Variants in KIF2C observed in about 807,000 individuals in gnomAD.
KIF2C encodes kinesin-like protein KIF2C.
A neutral mutation model predicts 97.4 loss-of-function variants in KIF2C; 34 were observed. The ratio of observed to expected loss-of-function variants is 0.35; its 90% CI spans 0.27 to 0.46. The LOEUF (loss-of-function observed/expected upper bound fraction) is 0.46, where lower values mean the gene tolerates loss of function less well. Among genes scored for constraint, KIF2C ranks in the 20% least tolerant of loss-of-function variants. KIF2C has a pLI of 1.00. For synonymous variants in KIF2C, 313 were observed against 318.2 expected, an observed-to-expected ratio of 0.98 and a Z score of 0.17; for missense variants, 750 against 907.6, an observed-to-expected ratio of 0.83 and a Z score of 2.23.
At position 44,762,430 on chromosome 1, in the gene KIF2C, C is replaced by G; in HGVS notation, c.1836C>G (p.Asn612Lys). ...CAGAAGAGATGGAAGCCTGCTCTAACGGGGCGCTGATTCCAGGCAATGTAA... is the reference window on the plus strand; with the variant it reads ...CAGAAGAGATGGAAGCCTGCTCTAAGGGGGCGCTGATTCCAGGCAATGTAA... ...METEEMEACS[N>K]GALIPGNLSK... The change falls in exon 18 of 21, where the codon AAC (asparagine) becomes AAG (lysine). Residue 612 changes from asparagine (N) to lysine (K), a missense_variant. Physicochemically the swap from Asn to Lys is moderately conservative, Grantham distance 94 (BLOSUM62 0). Coordinates refer to ENST00000372224, the MANE Select transcript of KIF2C (RefSeq NM_006845.4). The G allele has an allele frequency of 6.2e-7, 1 of 1,614,142 alleles. No homozygotes were observed.
At position 44,753,818 on chromosome 1, in the gene KIF2C, A is replaced by T; in HGVS notation, c.648A>T (p.Arg216Ser). Residue 216 changes from arginine (R) to serine (S), a missense_variant, in exon 7 of 21, where the codon AGA (arginine) becomes AGT (serine). By Grantham distance (110) the Arg-to-Ser change is moderately radical (BLOSUM62 -1). Transcript: ENST00000372224. ...EEKKAQNSEM[R>S]MKRAQEYDSS... ...AGAAGGCCCAGAACTCTGAAATGAGAATGAAGAGAGCTCAGGTACCTTTCT... is the reference window on the plus strand; with the variant it reads ...AGAAGGCCCAGAACTCTGAAATGAGTATGAAGAGAGCTCAGGTACCTTTCT... 6.2e-7 allele frequency: 1 copy of T among 1,608,116 alleles called. No homozygotes were observed. Among genetic ancestry groups the T allele is most frequent in the Non-Finnish European group, 8.5e-7 (1 of 1,177,086 alleles).
Position 44,762,603 on chromosome 1 carries a change from C to G in KIF2C, c.1916C>G (p.Thr639Ser). 1 of 1,614,130 alleles carries G rather than the reference C, an allele frequency of 6.2e-7. No homozygotes were observed. The highest frequency in any genetic ancestry group is 8.5e-7 in the Non-Finnish European group (1 of 1,180,022). ...ATGTCCAGCTTTAACGAAGCCATGA[C>G]TCAGATCAGGGAGCTGGAGGAGAAG... ...SQMSSFNEAM[T>S]QIRELEEKAM... Residue 639 changes from threonine (T) to serine (S), a missense_variant, in exon 19 of 21, where the codon ACT (threonine) becomes AGT (serine). By Grantham distance (58) the Thr-to-Ser change is moderately conservative (BLOSUM62 1). Coordinates refer to ENST00000372224, the MANE Select transcript of KIF2C (RefSeq NM_006845.4).
chr1:44,749,297 G>T (rs1284446560), intron 4 of KIF2C, among the ~76,000 whole-genome samples: 1 of 152,132 alleles, frequency 6.6e-6, no homozygotes, highest in Non-Finnish European at 1.5e-5. Context: ...AGCCAGGCGT[G>T]GTGGTGGGTG....
At chr1:44,758,005 C>T in intron 12 of KIF2C, 34 bp downstream of exon 12, 2 of 1,613,910 alleles carry the variant, frequency 1.2e-6, no homozygotes, top group South Asian at 2.2e-5. Flanking sequence ...CAGGGTTGGG[C>T]ACAGAAAGGC....
intron 1 of KIF2C, 46 bp from the exon 2 acceptor site, chr1:44,740,867 C>T (rs757033705): frequency 7.6e-7 from 1 of 1,307,946 alleles, no homozygotes; most frequent in Non-Finnish European, 1.1e-6. Flanking sequence ...AAAAGTGAAG[C>T]TCTCAGGAAA....
At position 44,756,144 on chromosome 1, in the gene KIF2C, A is replaced by G. The variant is rs1649816431; in HGVS notation, c.884A>G (p.Lys295Arg). 6.2e-7 allele frequency: 1 copy of G among 1,614,210 alleles called. No individual in the cohort carries two copies. The highest frequency in any genetic ancestry group is 8.5e-7 in the Non-Finnish European group (1 of 1,180,024). The change falls in exon 10 of 21, where the codon AAG becomes AGG. Residue 295 changes from lysine to arginine, a missense_variant. Lys to Arg is a conservative substitution (Grantham distance 26, BLOSUM62 2). Transcript: ENST00000372224. The part of the protein sequence containing the change: ...SKCLLLVHEP[K>R]LKVDLTKYLE... ...TGTCTCCTCTTGGTACATGAACCCAAGTTGAAAGTGGACTTAACAAAGTAT... is the reference window on the plus strand; with the variant it reads ...TGTCTCCTCTTGGTACATGAACCCAGGTTGAAAGTGGACTTAACAAAGTAT...
intron 19 of KIF2C, among the ~76,000 whole-genome samples, chr1:44,765,465 AAAAG>A (rs145426130): frequency 0.26 from 38,798 of 151,596 alleles, 6,259 homozygotes; most frequent in African/African-American, 0.45. Context: ...TAATAATAAA[AAAAG>A]AAAGAAAGAA....
intron 10 of KIF2C, 76 bp downstream of exon 10, chr1:44,756,313 A>G (rs1649829518): frequency 2.8e-6 from 4 of 1,415,964 alleles, no homozygotes; most frequent in Non-Finnish European, 3.9e-6. Flanking sequence ...TGGTAACACT[A>G]CTCACAGACG....
At chr1:44,748,954 A>G (rs1018493718) in intron 4 of KIF2C, among the ~76,000 whole-genome samples, 1 of 151,982 alleles carries the variant, frequency 6.6e-6, no homozygotes, top group African/African-American at 2.4e-5. Context: ...TGCTGGGACT[A>G]CAGGCACACA....
Position 44,760,081 on chromosome 1 carries a change from T to G in KIF2C, c.1368-199T>G, listed in dbSNP as rs575947367. 3.9e-5 allele frequency among the ~76,000 whole-genome samples: 6 copies of G among 152,228 alleles called. No individual in the cohort carries two copies. The East Asian group carries it at 1.2e-3, about 29-fold the overall frequency. ...CCCTAGTCCAGAATCCAGTACTAATTTGGCTGCCAGGAAAATGTATTAGGT... is the reference window on the plus strand; with the variant it reads ...CCCTAGTCCAGAATCCAGTACTAATGTGGCTGCCAGGAAAATGTATTAGGT... On this transcript the variant is annotated intron_variant, in intron 14 of 20. Coordinates refer to ENST00000372224, the MANE Select transcript of KIF2C (RefSeq NM_006845.4). The surrounding 1 kb of genome is among the most constrained non-coding windows in gnomAD (Gnocchi z 4.2).
At chr1:44,752,617 G>C (rs924152205) in intron 5 of KIF2C, among the ~76,000 whole-genome samples, 3 of 152,198 alleles carry the variant, frequency 2.0e-5, no homozygotes, top group African/African-American at 7.2e-5. Flanking sequence ...CTAATACGAT[G>C]AAGGTAAATG....
chr1:44,752,028 G>T (rs1649550648), intron 5 of KIF2C, among the ~76,000 whole-genome samples: 1 of 150,948 alleles, frequency 6.6e-6, no homozygotes, highest in South Asian at 2.1e-4. Flanking sequence ...CACCATATTG[G>T]CCAGGCTGAT....
rs529017644 is a variant in KIF2C, at chr1:44,743,724, C to T, written c.165+2717C>T. On this transcript the variant is annotated intron_variant, in intron 2 of 20. Transcript: ENST00000372224. ...GGAGGATTGCTTGAGCCCAGGAGTT[C>T]AGGGCTACAGTGAGCCACTACACTC... is the stretch of plus-strand genomic sequence containing the variant. Among the ~76,000 whole-genome samples the T allele has an allele frequency of 7.2e-5, 11 of 152,240 alleles. 1 individual carries two copies. The South Asian group carries it at 2.3e-3, about 32-fold the overall frequency.
At chr1:44,741,729 G>T (rs74618167) in intron 2 of KIF2C, among the ~76,000 whole-genome samples, 3,024 of 151,926 alleles carry the variant, frequency 0.02, 51 homozygotes, top group Admixed American at 0.044. Flanking sequence ...TGGCTCACAT[G>T]TATAATCCCA....
At chr1:44,745,058 G>A (rs978071070) in intron 2 of KIF2C, among the ~76,000 whole-genome samples, 13 of 152,036 alleles carry the variant, frequency 8.6e-5, no homozygotes, top group African/African-American at 3.1e-4. Flanking sequence ...ACATGGTGGC[G>A]CATGCCTGTA....
Position 44,759,430 on chromosome 1 carries a change from T to C in KIF2C, c.1367+82T>C, listed in dbSNP as rs1293484620. 4 of 1,550,658 alleles carry C rather than the reference T, an allele frequency of 2.6e-6. No homozygotes were observed. The African/African-American group carries it at 5.4e-5, about 21-fold the overall frequency. ...GTCTAGCTCTGAGCACATTTCTGTT[T>C]ACCCAGAGTGCTGCTTTGCCCAGTT... On this transcript the variant is annotated intron_variant, in intron 14 of 20. Coordinates refer to ENST00000372224, the MANE Select transcript of KIF2C (RefSeq NM_006845.4).
At chr1:44,746,849 C>T in intron 2 of KIF2C, 1 of 1,247,310 alleles carries the variant, frequency 8.0e-7, no homozygotes, top group South Asian at 1.4e-5. Context: ...TTAGGGGTAC[C>T]CCTGTCTATA....
chr1:44,743,810 T>C (rs775708750), intron 2 of KIF2C, among the ~76,000 whole-genome samples: 1 of 152,012 alleles, frequency 6.6e-6, no homozygotes, highest in Non-Finnish European at 1.5e-5. Context: ...AGATAAAACA[T>C]GTAAAAAGCT....
intron 20 of KIF2C, 38 bp from the exon 21 acceptor site, chr1:44,767,059 C>T (rs1650506681): frequency 6.2e-7 from 1 of 1,609,562 alleles, no homozygotes; most frequent in South Asian, 1.1e-5. Flanking sequence ...TCCTCAGACT[C>T]TCACTAACCC....
Sources: gnomAD v4.1 joint callset for allele counts (sites outside exome capture counted in the v4.1 genomes callset) on GRCh38, gnomAD v4.1.1 for gene constraint, Gnocchi (gnomAD v3.1) non-coding constraint, MANE v1.5 for transcripts, NCBI Gene and HGNC (gene_info 2026-07-23, HGNC 2026-07-21) for gene names.